KCNMA1: variants seen among roughly 807,000 people sequenced by gnomAD.
KCNMA1 encodes the protein potassium calcium-activated channel subfamily M alpha 1, also known as Calcium-activated potassium channel subunit alpha-1.
In KCNMA1, 29 loss-of-function variants were observed where a neutral mutation model predicts 140.0. The observed-to-expected ratio is 0.21, with a 90% confidence interval of 0.15 to 0.28. The LOEUF is 0.28. Ranked by LOEUF, KCNMA1 falls within the 10% of genes least tolerant of loss-of-function variation. KCNMA1 has a pLI of 1.00. For missense variants in KCNMA1, 880 were observed against 1,602.2 expected (o/e 0.55, Z 7.70); for synonymous variants, 612 against 611.9 (o/e 1.00, Z 0.00).
At chr10:77,637,109 A>G in intron 1 of KCNMA1, 156 bp downstream of exon 1, 1 of 1,271,484 alleles carries the variant, frequency 7.9e-7, no homozygotes, top group East Asian at 2.6e-5. Flanking sequence ...CCGATCCGAG[A>G]GCACCGGGAG....
intron 2 of KCNMA1, among the ~76,000 whole-genome samples, chr10:77,320,047 A>C (rs1448133904): frequency 2.0e-5 from 3 of 152,208 alleles, no homozygotes; most frequent in Non-Finnish European, 4.4e-5. Flanking sequence ...GTGGGCACTC[A>C]CCAAACAAAA....
chr10:76,957,733 A>C (rs1022689499), intron 20 of KCNMA1, among the ~76,000 whole-genome samples: 2 of 152,206 alleles, frequency 1.3e-5, no homozygotes, highest in African/African-American at 4.8e-5. Flanking sequence ...AGCCCTGAGT[A>C]GGTAAAGAAA....
intron 1 of KCNMA1, among the ~76,000 whole-genome samples, chr10:77,532,431 T>C (rs1347034859): frequency 2.6e-5 from 4 of 152,192 alleles, no homozygotes; most frequent in Admixed American, 2.6e-4. Context: ...GACCAGCGAA[T>C]GAAAACACAG....
At chr10:77,479,552 C>T (rs1177634836) in intron 1 of KCNMA1, among the ~76,000 whole-genome samples, 6 of 152,282 alleles carry the variant, frequency 3.9e-5, no homozygotes, top group Admixed American at 1.3e-4. Context: ...TTTTCCCCTT[C>T]GTCAGGCAAT....
At chr10:77,146,701 CAAAAAAAAAAAAAAAAAAAAAAAAA>C (rs5786266) in intron 5 of KCNMA1, among the ~76,000 whole-genome samples, 1 of 64,182 alleles carries the variant, frequency 1.6e-5, no homozygotes, top group Admixed American at 2.7e-4. Flanking sequence ...GACTTCATCT[CAAAAAAAAAAAAAAAAAAAAAAAAA>C]AAAAGAAAGA....
intron 10 of KCNMA1, among the ~76,000 whole-genome samples, chr10:77,087,932 G>A (rs1391437147): frequency 1.3e-5 from 2 of 151,378 alleles, no homozygotes; most frequent in Non-Finnish European, 2.9e-5. Context: ...TAGTAAAATA[G>A]TATTATAAAT....
intron 1 of KCNMA1, among the ~76,000 whole-genome samples, chr10:77,574,887 T>C (rs192702938): frequency 5.4e-4 from 82 of 152,304 alleles, no homozygotes; most frequent in Admixed American, 1.2e-3. Context: ...CCAGTATTCA[T>C]TTTGCACATG....
At chr10:77,082,685 C>T (rs2096607279) in intron 12 of KCNMA1, among the ~76,000 whole-genome samples, 1 of 152,026 alleles carries the variant, frequency 6.6e-6, no homozygotes, top group Admixed American at 6.5e-5. Flanking sequence ...GGTGTAGCCA[C>T]TGTGCAGCTG....
At chr10:77,451,357 A>G (rs1170372909) in intron 1 of KCNMA1, among the ~76,000 whole-genome samples, 1 of 152,180 alleles carries the variant, frequency 6.6e-6, no homozygotes, top group Admixed American at 6.5e-5. Flanking sequence ...TGATCTGACC[A>G]CCAGCGAGAG....
intron 1 of KCNMA1, among the ~76,000 whole-genome samples, chr10:77,612,323 A>G (rs1304760325): frequency 6.6e-6 from 1 of 152,136 alleles, no homozygotes; most frequent in Non-Finnish European, 1.5e-5. Flanking sequence ...TTTTCTCCCA[A>G]TGCAGTAAAA....
At chr10:76,935,218 C>T (rs1305330188) in intron 23 of KCNMA1, among the ~76,000 whole-genome samples, 5 of 152,148 alleles carry the variant, frequency 3.3e-5, no homozygotes, top group East Asian at 1.9e-4. Flanking sequence ...AGACAAGAAC[C>T]GTTGAAAACA....
intron 19 of KCNMA1, among the ~76,000 whole-genome samples, chr10:76,980,955 G>A (rs946409342): frequency 1.3e-5 from 2 of 152,174 alleles, no homozygotes; most frequent in African/African-American, 4.8e-5. Flanking sequence ...AATAAAATGA[G>A]AATTAGAGTA....
chr10:77,499,408 T>C (rs866209364), intron 1 of KCNMA1, among the ~76,000 whole-genome samples: 21,724 of 141,960 alleles, frequency 0.15, 1,819 homozygotes, highest in Middle Eastern at 0.23. Flanking sequence ...GGCATGTATA[T>C]ATATATATAT....
At chr10:77,437,904 C>T (rs573536263) in intron 1 of KCNMA1, among the ~76,000 whole-genome samples, 2 of 152,258 alleles carry the variant, frequency 1.3e-5, no homozygotes, top group East Asian at 3.9e-4. Context: ...GCTGGGATCA[C>T]AGAACTGAAT....
At chr10:77,371,884 A>G (rs1051017797) in intron 2 of KCNMA1, among the ~76,000 whole-genome samples, 1 of 152,102 alleles carries the variant, frequency 6.6e-6, no homozygotes, top group Non-Finnish European at 1.5e-5. Context: ...CAACCCAATC[A>G]AGAGTATCTC....
intron 14 of KCNMA1, among the ~76,000 whole-genome samples, chr10:77,056,958 A>G (rs1349814443): frequency 2.0e-5 from 3 of 152,172 alleles, no homozygotes; most frequent in Non-Finnish European, 2.9e-5. Flanking sequence ...CATTTGCATC[A>G]TAGGAATCCT....
chr10:77,402,900 G>A (rs1015568424), intron 2 of KCNMA1, among the ~76,000 whole-genome samples: 1 of 152,166 alleles, frequency 6.6e-6, no homozygotes, highest in African/African-American at 2.4e-5. Context: ...GAATCACAAT[G>A]AGAAATCACT....
intron 9 of KCNMA1, among the ~76,000 whole-genome samples, chr10:77,104,655 C>T (rs1303816067): frequency 6.6e-6 from 1 of 152,252 alleles, no homozygotes; most frequent in Non-Finnish European, 1.5e-5. Context: ...CGGCTGGACT[C>T]CCTCTAACAA....
At chr10:77,251,726 C>T (rs1004033700) in intron 2 of KCNMA1, among the ~76,000 whole-genome samples, 2 of 152,186 alleles carry the variant, frequency 1.3e-5, no homozygotes, top group Non-Finnish European at 2.9e-5. Context: ...TACAATTCAT[C>T]AATGACTTTA....
Sources: gnomAD v4.1 joint callset for allele counts (sites outside exome capture counted in the v4.1 genomes callset) on GRCh38, gnomAD v4.1.1 for gene constraint, MANE v1.5 for transcripts, NCBI Gene and HGNC (gene_info 2026-07-23, HGNC 2026-07-21) for gene names.